Variants in BCKDHB observed in about 807,000 individuals in gnomAD.
BCKDHB encodes the protein branched chain keto acid dehydrogenase E1 subunit beta, also known as 2-oxoisovalerate dehydrogenase subunit beta, mitochondrial.
A neutral mutation model predicts 48.5 loss-of-function variants in BCKDHB; 41 were observed. The ratio of observed to expected loss-of-function variants is 0.85; its 90% CI spans 0.66 to 1.10. The LOEUF is 1.10. Ranked by LOEUF, BCKDHB falls within the 50% of genes least tolerant of loss-of-function variation. BCKDHB has a pLI of 0.00. For synonymous variants in BCKDHB, 201 were observed against 174.8 expected (o/e 1.15, Z -1.18); for missense variants, 496 against 494.2 (o/e 1.00, Z -0.03).
intron 9 of BCKDHB, among the ~76,000 whole-genome samples, chr6:80,278,600 C>G (rs562333559): frequency 6.6e-6 from 1 of 152,072 alleles, no homozygotes; most frequent in Admixed American, 6.5e-5. Flanking sequence ...CGCTCTGTCG[C>G]CCAGGCTGGA....
At chr6:80,230,263 C>G (rs902419648) in intron 8 of BCKDHB, among the ~76,000 whole-genome samples, 1 of 151,532 alleles carries the variant, frequency 6.6e-6, no homozygotes, top group Non-Finnish European at 1.5e-5. Flanking sequence ...TGGTCTCGAT[C>G]TCCTGACCTC....
intron 8 of BCKDHB, among the ~76,000 whole-genome samples, chr6:80,254,780 CTG>C (rs1776980754): frequency 1.3e-5 from 2 of 152,162 alleles, no homozygotes; most frequent in Non-Finnish European, 2.9e-5. Context: ...TCCCCAGAAA[CTG>C]AGAGAATCAT....
At chr6:80,385,935 TTG>T in the BCKDHB span, among the ~76,000 whole-genome samples, 2 of 152,184 alleles carry the variant, frequency 1.3e-5, no homozygotes, top group African/African-American at 4.8e-5. Flanking sequence ...ATGTTGCAGC[TTG>T]GGGAGTTAAA....
chr6:80,155,825 A>C (rs1156805090), intron 3 of BCKDHB, among the ~76,000 whole-genome samples: 1 of 150,792 alleles, frequency 6.6e-6, no homozygotes, highest in African/African-American at 2.4e-5. Context: ...TTTACCTCAT[A>C]ATAATGCAAA....
chr6:80,359,769 A>T, the BCKDHB span, among the ~76,000 whole-genome samples: 2 of 151,736 alleles, frequency 1.3e-5, no homozygotes, highest in Non-Finnish European at 2.9e-5. Context: ...TAATTTTTGT[A>T]TTTTTAGTAG....
chr6:80,405,356 G>T, the BCKDHB span, among the ~76,000 whole-genome samples: 1 of 151,888 alleles, frequency 6.6e-6, no homozygotes, highest in Admixed American at 6.6e-5. Flanking sequence ...AGTCACCCCT[G>T]CTCTCTTTTG....
intron 8 of BCKDHB, among the ~76,000 whole-genome samples, chr6:80,225,706 T>C (rs1340678451): frequency 6.6e-6 from 1 of 152,198 alleles, no homozygotes; most frequent in Admixed American, 6.5e-5. Flanking sequence ...AGCAACATGA[T>C]AGTGCTTTAA....
chr6:80,389,279 C>T, the BCKDHB span, among the ~76,000 whole-genome samples: 1 of 152,212 alleles, frequency 6.6e-6, no homozygotes, highest in Non-Finnish European at 1.5e-5. Flanking sequence ...CACATGGGCT[C>T]AGCAACATTT....
chr6:80,403,272 A>G, the BCKDHB span, among the ~76,000 whole-genome samples: 3 of 151,690 alleles, frequency 2.0e-5, no homozygotes, highest in Admixed American at 6.6e-5. Flanking sequence ...AATTTCTTTC[A>G]TCAGTGCTTT....
chr6:80,189,837 C>A (rs112105881), intron 6 of BCKDHB, among the ~76,000 whole-genome samples: 34 of 151,998 alleles, frequency 2.2e-4, no homozygotes, highest in African/African-American at 8.0e-4. Context: ...TTTATTAATA[C>A]CCTTTCAGCA....
rs140504018 is a variant in BCKDHB, at chr6:80,161,047, G to A, written c.344-6631G>A. On this transcript the variant is annotated intron_variant, in intron 3 of 9. Coordinates refer to ENST00000320393, the MANE Select transcript of BCKDHB (RefSeq NM_183050.4). ...AGGCATTGAGGAACTGTTTCAGAGTGGGCATAGTTTTTTCCTTCACATGAG... is the reference window on the plus strand; with the variant it reads ...AGGCATTGAGGAACTGTTTCAGAGTAGGCATAGTTTTTTCCTTCACATGAG... Among the ~76,000 whole-genome samples, 266 of 152,226 alleles carry A rather than the reference G, an allele frequency of 1.7e-3. 1 individual carries two copies. Among genetic ancestry groups the A allele is most frequent in the African/African-American group, 6.0e-3 (251 of 41,532 alleles).
intron 3 of BCKDHB, among the ~76,000 whole-genome samples, chr6:80,148,687 T>A (rs1165590316): frequency 6.6e-6 from 1 of 152,144 alleles, no homozygotes; most frequent in Non-Finnish European, 1.5e-5. Flanking sequence ...CTTCTCAGTG[T>A]TTAATAGTAA....
At chr6:80,322,383 C>T (rs1241693083) in intron 9 of BCKDHB, among the ~76,000 whole-genome samples, 2 of 151,692 alleles carry the variant, frequency 1.3e-5, no homozygotes, top group African/African-American at 2.4e-5. Flanking sequence ...GGATTACAGG[C>T]GCGCACCACT....
the BCKDHB span, among the ~76,000 whole-genome samples, chr6:80,378,443 CTGTGTGTGTGTA>C: frequency 6.6e-6 from 1 of 151,570 alleles, no homozygotes; most frequent in African/African-American, 2.4e-5. Flanking sequence ...CAGTATTCCA[CTGTGTGTGTGTA>C]TGTGTGTGTG....
chr6:80,206,904 T>C (rs1774692209), intron 8 of BCKDHB, among the ~76,000 whole-genome samples: 1 of 152,066 alleles, frequency 6.6e-6, no homozygotes, highest in South Asian at 2.1e-4. Context: ...TAAGATTATA[T>C]TCAAAGAAAA....
the BCKDHB span, among the ~76,000 whole-genome samples, chr6:80,402,735 A>G: frequency 3.3e-5 from 5 of 151,846 alleles, no homozygotes; most frequent in South Asian, 4.1e-4. Context: ...TTATGATTTT[A>G]TGTCTTACAA....
intron 3 of BCKDHB, among the ~76,000 whole-genome samples, chr6:80,150,393 TAG>T (rs1290964172): frequency 6.6e-6 from 1 of 152,052 alleles, no homozygotes; most frequent in Non-Finnish European, 1.5e-5. Context: ...GGAAACCAGC[TAG>T]GATATAGTGC....
chr6:80,143,324 A>G (rs1441904666), intron 3 of BCKDHB, among the ~76,000 whole-genome samples: 5 of 152,192 alleles, frequency 3.3e-5, no homozygotes, highest in African/African-American at 4.8e-5. Flanking sequence ...TTACACAGCA[A>G]TACATTCTGT....
chr6:80,385,410 C>T, the BCKDHB span, among the ~76,000 whole-genome samples: 14 of 152,194 alleles, frequency 9.2e-5, no homozygotes, highest in African/African-American at 3.4e-4. Flanking sequence ...GACCCTGCAA[C>T]TTGGAATGCG....
Sources: allele counts gnomAD v4.1 joint callset (sites outside exome capture counted in the v4.1 genomes callset), GRCh38; gene constraint gnomAD v4.1.1; transcripts MANE v1.5; gene names NCBI Gene and HGNC (gene_info 2026-07-23, HGNC 2026-07-21).